PTPRM: variants seen among roughly 807,000 people sequenced by gnomAD.
The protein encoded by PTPRM is protein tyrosine phosphatase receptor type M.
Under a neutral mutation model 186.7 loss-of-function variants are expected in PTPRM, and 47 were observed. The ratio of observed to expected loss-of-function variants is 0.25; its 90% CI spans 0.20 to 0.32. PTPRM has a LOEUF of 0.32. PTPRM is among the 10% of genes least tolerant of loss of function. The pLI is 1.00. For synonymous variants in PTPRM, 668 were observed against 674.9 expected (o/e 0.99, Z 0.16); for missense variants, 1,494 against 1,865.0 (o/e 0.80, Z 3.66).
chr18:8,399,212 T>C (rs1022814021), intron 32 of PTPRM, among the ~76,000 whole-genome samples: 3 of 152,188 alleles, frequency 2.0e-5, no homozygotes, highest in Non-Finnish European at 2.9e-5. Context: ...TGTTTCAAAC[T>C]TCCTTCCATC....
chr18:7,968,278 G>A (rs1429066350), intron 7 of PTPRM, among the ~76,000 whole-genome samples: 1 of 130,708 alleles, frequency 7.7e-6, no homozygotes, highest in Non-Finnish European at 1.6e-5. Flanking sequence ...TCACCACCAG[G>A]CCTGCCCTAA....
At chr18:7,603,140 G>A (rs1306264102) in intron 1 of PTPRM, among the ~76,000 whole-genome samples, 2 of 151,794 alleles carry the variant, frequency 1.3e-5, no homozygotes, top group Non-Finnish European at 2.9e-5. Context: ...ATGTTAGCTG[G>A]GATGGTCTCG....
chr18:8,154,622 T>C (rs1028837455), intron 14 of PTPRM: 1 of 152,186 alleles, frequency 6.6e-6, no homozygotes, highest in Non-Finnish European at 1.5e-5. Context: ...GCTAAGATTG[T>C]TTTGTCTTCT....
At chr18:8,289,514 G>GTATATATATATACATATATATACACATA (rs201077271) in intron 19 of PTPRM, among the ~76,000 whole-genome samples, 1 of 89,804 alleles carries the variant, frequency 1.1e-5, no homozygotes, top group African/African-American at 4.8e-5. Flanking sequence ...GTGTGTGTAT[G>GTATATATATATACATATATATACACATA]TATATATATA....
chr18:8,337,510 C>T (rs62089902), intron 22 of PTPRM, among the ~76,000 whole-genome samples: 90 of 152,284 alleles, frequency 5.9e-4, no homozygotes, highest in Non-Finnish European at 1.1e-3. Flanking sequence ...AACTGCTGCA[C>T]GCAGGGGTGG....
intron 1 of PTPRM, among the ~76,000 whole-genome samples, chr18:7,739,425 T>C (rs2040843221): frequency 6.6e-6 from 1 of 152,250 alleles, no homozygotes; most frequent in African/African-American, 2.4e-5. Flanking sequence ...AGTAAGTCAT[T>C]AGCATGACAA....
At chr18:8,302,236 A>G (rs573770402) in intron 20 of PTPRM, among the ~76,000 whole-genome samples, 45 of 152,330 alleles carry the variant, frequency 3.0e-4, no homozygotes, top group African/African-American at 1.1e-3. Context: ...AGGATGGGAC[A>G]TGGAAAACAA....
intron 7 of PTPRM, among the ~76,000 whole-genome samples, chr18:8,033,906 CT>C (rs1430126755): frequency 6.6e-6 from 1 of 152,152 alleles, no homozygotes; most frequent in Non-Finnish European, 1.5e-5. Context: ...CTTTCAGAAG[CT>C]TTAGGGGAGA....
At chr18:7,590,101 G>C (rs982271887) in intron 1 of PTPRM, among the ~76,000 whole-genome samples, 7 of 152,196 alleles carry the variant, frequency 4.6e-5, no homozygotes, top group Non-Finnish European at 1.0e-4. Flanking sequence ...GAGAGCATGG[G>C]TTTCCCCTGA....
chr18:7,578,612 G>A (rs1385942082), intron 1 of PTPRM, among the ~76,000 whole-genome samples: 3 of 151,918 alleles, frequency 2.0e-5, no homozygotes, highest in African/African-American at 4.8e-5. Context: ...TGGGATTACA[G>A]GCGTGAGCCA....
rs78720217 is a variant in PTPRM, at chr18:8,042,817, C to T, written c.1133-26869C>T. Among the ~76,000 whole-genome samples, 1,430 of 152,266 alleles carry T rather than the reference C, an allele frequency of 9.4e-3. 23 individuals are homozygous for T. Among genetic ancestry groups the T allele is most frequent in the African/African-American group, 0.033 (1,381 of 41,538 alleles). ...TCCCTTTTCCCACCTTCCTGCTGTA[C>T]ACCTGCCCAGCTAATTGATCACAGC... is the stretch of plus-strand genomic sequence containing the variant. On this transcript the variant is annotated intron_variant, in intron 7 of 32. Coordinates refer to ENST00000580170, the MANE Select transcript of PTPRM (RefSeq NM_001105244.2).
intron 1 of PTPRM, among the ~76,000 whole-genome samples, chr18:7,675,538 A>G (rs1234839395): frequency 6.6e-6 from 1 of 152,114 alleles, no homozygotes; most frequent in Admixed American, 6.5e-5. Flanking sequence ...GGAGTTCACT[A>G]ATGTCAGGAC....
At chr18:7,581,436 C>A (rs1598453502) in intron 1 of PTPRM, among the ~76,000 whole-genome samples, 1 of 152,258 alleles carries the variant, frequency 6.6e-6, no homozygotes, top group South Asian at 2.1e-4. Context: ...AGCAAACTGC[C>A]AGAGCATTCA....
chr18:7,796,431 G>A (rs1017517405), intron 2 of PTPRM, among the ~76,000 whole-genome samples: 21 of 152,340 alleles, frequency 1.4e-4, no homozygotes, highest in Middle Eastern at 3.4e-3. Context: ...AAAAGTGTGG[G>A]CAGGAGGGCA....
intron 1 of PTPRM, among the ~76,000 whole-genome samples, chr18:7,648,820 T>C (rs533935002): frequency 6.6e-6 from 1 of 152,128 alleles, no homozygotes; most frequent in Admixed American, 6.5e-5. Context: ...GAATCTGTTA[T>C]CCAGATTCTG....
Position 7,888,168 on chromosome 18 carries a change from C to A in PTPRM, c.259C>A (p.Pro87Thr). ...PEGQRAHLLL[P>T]QLKENDTHCI... is the part of the protein sequence containing the mutation. ...GGGGCAGAGAGCCCACCTGCTCTTA[C>A]CCCAACTTAAAGAAAATGACACCCA... The change falls in exon 3 of 33, where the codon CCC becomes ACC. Residue 87 changes from proline (P) to threonine (T), a missense_variant. Physicochemically the swap from Pro to Thr is conservative, Grantham distance 38. Coordinates refer to ENST00000580170, the MANE Select transcript of PTPRM (RefSeq NM_001105244.2). The A allele has an allele frequency of 1.2e-6, 2 of 1,614,148 alleles. No homozygotes were observed. Among genetic ancestry groups the A allele is most frequent in the South Asian group, 2.2e-5 (2 of 91,078 alleles).
chr18:8,193,765 G>A (rs184481631), intron 14 of PTPRM, among the ~76,000 whole-genome samples: 3 of 152,386 alleles, frequency 2.0e-5, no homozygotes, highest in Non-Finnish European at 4.4e-5. Flanking sequence ...GGCTTAAAGA[G>A]AAAGAGCTGC....
At chr18:8,299,422 A>T (rs896256338) in intron 20 of PTPRM, among the ~76,000 whole-genome samples, 2 of 152,046 alleles carry the variant, frequency 1.3e-5, no homozygotes, top group African/African-American at 4.8e-5. Flanking sequence ...CCCTGCCTCT[A>T]CTAAAAAGAC....
Position 8,062,250 on chromosome 18 carries a change from C to T in PTPRM, c.1133-7436C>T, listed in dbSNP as rs1447329688. Among the ~76,000 whole-genome samples, 29 of 66,210 alleles carry T rather than the reference C, an allele frequency of 4.4e-4. 6 individuals carry two copies. Among genetic ancestry groups the T allele is most frequent in the Middle Eastern group, 6.2e-3 (1 of 162 alleles). The allele number at this position is 66,210 out of a possible 152,430, so 43.4% of individuals were successfully genotyped here. ...TACCCTTTCTTCCAGTAGATCGCAT[C>T]GGCTCCTGAGGCTTCTGCATTCTTC... On this transcript the variant is annotated intron_variant, in intron 7 of 32. Coordinates refer to ENST00000580170, the MANE Select transcript of PTPRM (RefSeq NM_001105244.2).
Sources: gnomAD v4.1 joint callset for allele counts (sites outside exome capture counted in the v4.1 genomes callset) on GRCh38, gnomAD v4.1.1 for gene constraint, MANE v1.5 for transcripts, NCBI Gene and HGNC (gene_info 2026-07-23, HGNC 2026-07-21) for gene names.